CYP2A6: variants seen among roughly 807,000 people sequenced by gnomAD.
CYP2A6 encodes the protein cytochrome P450 2A6.
A neutral mutation model predicts 42.3 loss-of-function variants in CYP2A6; 27 were observed. The observed-to-expected ratio is 0.64, with a 90% CI of 0.47 to 0.88. The LOEUF is 0.88. Among genes scored for constraint, CYP2A6 ranks in the 40% least tolerant of loss-of-function variants. CYP2A6 has a pLI of 0.00. For synonymous variants in CYP2A6, 238 were observed against 246.3 expected, an observed-to-expected ratio of 0.97 and a Z score of 0.31; for missense variants, 628 against 646.0, an observed-to-expected ratio of 0.97 and a Z score of 0.30.
Position 40,844,602 on chromosome 19 carries a change from T to C in CYP2A6, c.1303+29A>G, listed in dbSNP as rs56164728. On this transcript the variant is annotated intron_variant, in intron 8 of 8. Transcript: ENST00000301141. ...GGGAGGCCCCTGCTGGTGTGAGCCG[T>C]GGCCTGGCAGCAAACAGTGGTCTCT... 7.8e-3 allele frequency: 12,489 copies of C among 1,610,856 alleles called. 993 individuals are homozygous for C. The African/African-American group carries it at 0.14, about 18-fold the overall frequency.
rs750472363 is a variant in CYP2A6, at chr19:40,844,618, A to G, written c.1303+13T>C. 1 of 1,611,378 alleles carries G rather than the reference A, an allele frequency of 6.2e-7. No homozygotes were observed. Among genetic ancestry groups the G allele is most frequent in the Non-Finnish European group, 8.5e-7 (1 of 1,179,728 alleles). On this transcript the variant is annotated intron_variant, in intron 8 of 8. Transcript: ENST00000301141. ...TGTGAGCCGTGGCCTGGCAGCAAAC[A>G]GTGGTCTCTTACCGATGGAAAAGGG...
Position 40,845,791 on chromosome 19 carries a change from T to G in CYP2A6, c.973+165A>C, listed in dbSNP as rs72549445. ...TGCAGACATTTTCAATATTTTAATA[T>G]CTAATGAGACTCAGCTGATGCCTAC... is the stretch of plus-strand genomic sequence containing the variant. On this transcript the variant is annotated intron_variant, in intron 6 of 8. Coordinates refer to ENST00000301141, the MANE Select transcript of CYP2A6 (RefSeq NM_000762.6). 7.6e-3 allele frequency among the ~76,000 whole-genome samples: 1,154 copies of G among 151,196 alleles called. 40 individuals carry two copies. The highest frequency in any genetic ancestry group is 0.027 in the African/African-American group (1,092 of 41,116).
rs757656563 is a variant in CYP2A6, at chr19:40,844,768, G to A, written c.1166C>T (p.Thr389Ile). Residue 389 changes from threonine to isoleucine, a missense_variant, in exon 8 of 9, where the codon ACC becomes ATC. Physicochemically the swap from Thr to Ile is moderately conservative, Grantham distance 89. Transcript: ENST00000301141. The stretch of plus-strand genomic sequence containing the variant: ...AGAGCCCAGCATAGGGTACACTTCG[G>A]TGCCCTGGTAGGGAGGAGGAAGTTG... ...KFRDFFLPKG[T>I]EVYPMLGSVL... 18 of 1,610,662 alleles carry A rather than the reference G, an allele frequency of 1.1e-5. 1 individual carries two copies. In the African/African-American group the frequency reaches 1.2e-4, roughly 11 times the overall value.
intron 2 of CYP2A6, 89 bp downstream of exon 2, chr19:40,849,729 C>T (rs1967185166): frequency 6.3e-7 from 1 of 1,579,218 alleles, no homozygotes; most frequent in East Asian, 2.3e-5. Flanking sequence ...CCTTAGCCTC[C>T]AGTTGGCAGG....
At chr19:40,844,958 G>T (rs952979902) in intron 7 of CYP2A6, 186 bp from the exon 8 acceptor site, 1 of 787,056 alleles carries the variant, frequency 1.3e-6, no homozygotes, top group Non-Finnish European at 2.0e-6. Flanking sequence ...GGAAGTTTGG[G>T]AGACATGGGG....
At position 40,850,334 on chromosome 19, in the gene CYP2A6, C is replaced by T; in HGVS notation, c.93G>A (p.Gly31=). 1 of 1,610,174 alleles carries T rather than the reference C, an allele frequency of 6.2e-7. No individual in the cohort carries two copies. Among genetic ancestry groups the T allele is most frequent in the Non-Finnish European group, 8.5e-7 (1 of 1,178,864 alleles). Residue 31 remains glycine (G), a synonymous_variant, in exon 1 of 9, where the codon GGG becomes GGA. Transcript: ENST00000301141. ...ATGGGGTGGGTCCCGGAGGCAGCTT[C>T]CCCTTGCTCTTCCTCTGCTGCCAAA... The part of the protein sequence containing the change: ...MSVWQQRKSK[G]KLPPGPTPLP...
intron 5 of CYP2A6, 92 bp downstream of exon 5, chr19:40,846,783 T>A: frequency 6.6e-7 from 1 of 1,521,874 alleles, no homozygotes; most frequent in Non-Finnish European, 8.9e-7. Flanking sequence ...AGGGTTAATT[T>A]GAATGGGCCT....
rs2083445684 is a variant in CYP2A6 at position 40,844,554 on chromosome 19, C to T, written c.1303+77G>A. On this transcript the variant is annotated intron_variant, in intron 8 of 8. Transcript: ENST00000301141. Reference sequence around the variant, plus strand: ...CAAGCTGGAGAAATACCAGGCTACACCGCAGAGAGGGGAGGAGGGTGAGGG... The same window carrying T: ...CAAGCTGGAGAAATACCAGGCTACATCGCAGAGAGGGGAGGAGGGTGAGGG... 9.3e-6 allele frequency: 15 copies of T among 1,607,564 alleles called. No homozygotes were observed. In the South Asian group the frequency reaches 1.5e-4, roughly 17 times the overall value.
Position 40,843,731 on chromosome 19 carries a change from G to T in CYP2A6, c.*65C>A, listed in dbSNP as rs562378426. The T allele has an allele frequency of 4.0e-3, 5,456 of 1,375,742 alleles. 1,257 individuals carry two copies. The highest frequency in any genetic ancestry group is 4.6e-3 in the Non-Finnish European group (4,758 of 1,028,210). The allele number at this position is 1,375,742 out of a possible 1,614,324, so 85.2% of individuals were successfully genotyped here. On this transcript the variant is annotated 3_prime_UTR_variant, in exon 9 of 9. Transcript: ENST00000301141. ...AGTCTTAGCTGCGCCCCTCTCCCAA[G>T]CCCGGTCTTGGCCCTGCCCTTTCCC...
chr19:40,848,852 G>A, intron 2 of CYP2A6, 89 bp from the exon 3 acceptor site: 1 of 1,485,366 alleles, frequency 6.7e-7, no homozygotes, highest in South Asian at 1.2e-5. Context: ...AAGGGTGGAG[G>A]AGAGAGGGAG....
Position 40,849,769 on chromosome 19 carries a change from G to A in CYP2A6, c.343+49C>T, listed in dbSNP as rs1459736495. 18 of 1,605,948 alleles carry A rather than the reference G, an allele frequency of 1.1e-5. 2 individuals are homozygous for A. In the South Asian group the frequency reaches 1.8e-4, roughly 16 times the overall value. ...TCAGGGAGAAGGCTGGGAACACTGA[G>A]ACCTTCGTGTCCACCTGGCCACCTT... On this transcript the variant is annotated intron_variant, in intron 2 of 8. Coordinates refer to ENST00000301141, the MANE Select transcript of CYP2A6 (RefSeq NM_000762.6).
At chr19:40,848,412 G>T in intron 3 of CYP2A6, 33 bp from the exon 4 acceptor site, 1 of 1,611,060 alleles carries the variant, frequency 6.2e-7, no homozygotes, top group Non-Finnish European at 8.5e-7. Context: ...GGGTTGGGGA[G>T]AGAGTCAACT....
At chr19:40,845,085 G>T (rs765601205) in intron 7 of CYP2A6, 2 of 672,712 alleles carry the variant, frequency 3.0e-6, no homozygotes, top group Non-Finnish European at 5.0e-6. Context: ...ACATGTGTTT[G>T]ATTCTCCTGA....
rs139639589 is a variant in CYP2A6, at chr19:40,846,885, C to G, written c.821G>C (p.Arg274Pro). ...GCTGCTGGGGTGTACCTCCTGCATG[C>G]GGATGAGAAAGGAGTCAATGAAGTC... is the stretch of plus-strand genomic sequence containing the variant. ...PRDFIDSFLI[R>P]MQEEEKNPNT... The change falls in exon 5 of 9, where the codon CGC becomes CCC. Residue 274 changes from arginine to proline, a missense_variant. By Grantham distance (103) the Arg-to-Pro change is moderately radical (BLOSUM62 -2). This residue lies in a region of CYP2A6 where 606 missense variants were observed against 568.1 expected (regional missense o/e 1.07). Transcript: ENST00000301141. 2.5e-6 allele frequency: 4 copies of G among 1,611,900 alleles called. No individual in the cohort carries two copies. The highest frequency in any genetic ancestry group is 1.7e-5 in the Admixed American group (1 of 59,986).
chr19:40,849,045 GGAGAGAGAGAGAGA>G (rs1164660108), intron 2 of CYP2A6, among the ~76,000 whole-genome samples: 1 of 24,246 alleles, frequency 4.1e-5, no homozygotes, highest in African/African-American at 2.0e-4. Flanking sequence ...AAGAGAGAGA[GGAGAGAGAGAGAGA>G]GAGAGAGAGA....
In CYP2A6 at chr19:40,848,014, T is replaced by A. The variant is rs56256033; in HGVS notation, c.654+205A>T. Among the ~76,000 whole-genome samples, 459 of 151,788 alleles carry A rather than the reference T, an allele frequency of 3.0e-3. 4 individuals carry two copies. The highest frequency in any genetic ancestry group is 0.01 in the Middle Eastern group (3 of 294). The stretch of plus-strand genomic sequence containing the variant: ...CAGGCTCTGTTTTGGGGAGCATCTG[T>A]TGAGCTATCCAGGTGTCCTTGGAGA... On this transcript the variant is annotated intron_variant, in intron 4 of 8. Transcript: ENST00000301141.
intron 4 of CYP2A6, 74 bp downstream of exon 4, chr19:40,848,145 G>T: frequency 6.3e-7 from 1 of 1,587,090 alleles, no homozygotes; most frequent in East Asian, 2.3e-5. Flanking sequence ...GGAGTTTGGG[G>T]CACCTGTCTC....
chr19:40,846,846 A>G (rs1568514862), intron 5 of CYP2A6, 29 bp downstream of exon 5: 7 of 1,607,838 alleles, frequency 4.4e-6, no homozygotes, highest in South Asian at 2.2e-5. Context: ...CTGGCTTTGC[A>G]TCTCCCCGCA....
At chr19:40,844,546 A>T (rs2083445667) in intron 8 of CYP2A6, 85 bp downstream of exon 8, 2 of 1,604,664 alleles carry the variant, frequency 1.2e-6, no homozygotes, top group South Asian at 1.1e-5. Flanking sequence ...GAGAAATACC[A>T]GGCTACACCG....
Sources: allele counts gnomAD v4.1 joint callset (sites outside exome capture counted in the v4.1 genomes callset), GRCh38; gene constraint gnomAD v4.1.1; regional missense constraint gnomAD v4.1.1; transcripts MANE v1.5; gene names NCBI Gene and HGNC (gene_info 2026-07-23, HGNC 2026-07-21).